Variants in RELL1 observed in about 807,000 individuals in gnomAD.
The protein encoded by RELL1 is RELT-like protein 1.
RELL1 carries 10 observed loss-of-function variants against 23.0 expected under a neutral mutation model. The ratio of observed to expected loss-of-function variants is 0.43; its 90% confidence interval spans 0.27 to 0.74. RELL1 has a LOEUF of 0.74. Ranked by LOEUF, RELL1 falls within the 30% of genes least tolerant of loss-of-function variation. RELL1 has a pLI of 0.19. For synonymous variants in RELL1, 146 were observed against 146.8 expected (o/e 0.99, Z 0.04); for missense variants, 315 against 364.4 (o/e 0.86, Z 1.10).
intron 1 of RELL1, among the ~76,000 whole-genome samples, chr4:37,673,397 T>G (rs1721909905): frequency 6.6e-6 from 1 of 151,756 alleles, no homozygotes; most frequent in Non-Finnish European, 1.5e-5. Context: ...TTGCTATGGT[T>G]TTCGGGCTGG....
chr4:37,685,446 A>G (rs1722369556), intron 1 of RELL1, among the ~76,000 whole-genome samples: 1 of 152,232 alleles, frequency 6.6e-6, no homozygotes, highest in South Asian at 2.1e-4. Flanking sequence ...TAGGACTTCC[A>G]TAAAACTTAC....
intron 6 of RELL1, among the ~76,000 whole-genome samples, chr4:37,598,715 C>T (rs1368844685): frequency 2.0e-5 from 3 of 151,846 alleles, no homozygotes; most frequent in African/African-American, 7.3e-5. Flanking sequence ...GATGGAGTCT[C>T]GCTCTGTCAC....
chr4:37,680,063 T>C (rs1407270581), intron 1 of RELL1, among the ~76,000 whole-genome samples: 1 of 152,202 alleles, frequency 6.6e-6, no homozygotes, highest in African/African-American at 2.4e-5. Context: ...ATTTCAGAAT[T>C]ATCCATAAAG....
At chr4:37,670,551 A>G (rs1460111377) in intron 1 of RELL1, among the ~76,000 whole-genome samples, 3 of 151,760 alleles carry the variant, frequency 2.0e-5, no homozygotes, top group Non-Finnish European at 4.4e-5. Flanking sequence ...ACAGCCTGAT[A>G]ATTTTTTTTC....
chr4:37,653,622 A>T (rs1721026809), intron 1 of RELL1, among the ~76,000 whole-genome samples: 1 of 152,080 alleles, frequency 6.6e-6, no homozygotes, highest in Admixed American at 6.5e-5. Context: ...CCAGCTTCAA[A>T]ATTATTTGAT....
At chr4:37,608,827 C>T (rs77453635), downstream of RELL1, among the ~76,000 whole-genome samples, 5,009 of 151,962 alleles carry the variant, frequency 0.033, 255 homozygotes, top group East Asian at 0.27. Flanking sequence ...GACAGGGTTT[C>T]GCCGTGTTGG....
At position 37,611,742 on chromosome 4, in the gene RELL1, A is replaced by T. The variant is rs1224699555; in HGVS notation, c.*1604T>A. ...AAATGTACAGTTATAAAAAAAAAAA[A>T]GAAAAAGAAAAGTTTGCCAGGCCTA... On this transcript the variant is annotated 3_prime_UTR_variant, in exon 7 of 7. Transcript: ENST00000454158. 6.6e-6 allele frequency among the ~76,000 whole-genome samples: 1 copy of T among 151,960 alleles called. No homozygotes were observed. Among genetic ancestry groups the T allele is most frequent in the African/African-American group, 2.4e-5 (1 of 41,380 alleles).
At chr4:37,651,676 C>A (rs2109285992) in intron 1 of RELL1, among the ~76,000 whole-genome samples, 1 of 152,240 alleles carries the variant, frequency 6.6e-6, no homozygotes, top group Admixed American at 6.5e-5. Context: ...ATCCTCGGAC[C>A]AGATGGAGGA....
chr4:37,636,778 C>T (rs1001118184), intron 4 of RELL1, among the ~76,000 whole-genome samples: 3 of 152,094 alleles, frequency 2.0e-5, no homozygotes, highest in Non-Finnish European at 2.9e-5. Context: ...CAGCCTGACA[C>T]CTGGACTGTG....
At chr4:37,604,900 G>A (rs62297171) in intron 6 of RELL1, among the ~76,000 whole-genome samples, 1 of 65,616 alleles carries the variant, frequency 1.5e-5, no homozygotes, top group Non-Finnish European at 2.7e-5. Flanking sequence ...CACACACACA[G>A]ACACACACAC....
chr4:37,609,090 C>T (rs1176150249), downstream of RELL1, among the ~76,000 whole-genome samples: 1 of 152,184 alleles, frequency 6.6e-6, no homozygotes, highest in East Asian at 1.9e-4. Context: ...AAGGAGATGA[C>T]ATCTAGGATT....
At chr4:37,637,720 A>G (rs1235325921) in intron 4 of RELL1, among the ~76,000 whole-genome samples, 1 of 152,254 alleles carries the variant, frequency 6.6e-6, no homozygotes, top group Non-Finnish European at 1.5e-5. Context: ...CCCAGCACAC[A>G]GTAGGCATCC....
downstream of RELL1, among the ~76,000 whole-genome samples, chr4:37,587,884 G>C (rs1412271929): frequency 6.6e-6 from 1 of 152,058 alleles, no homozygotes; most frequent in Non-Finnish European, 1.5e-5. Context: ...CAGGAGAATC[G>C]CTTGAACCTG....
intron 6 of RELL1, among the ~76,000 whole-genome samples, chr4:37,600,139 G>A (rs951749834): frequency 6.6e-6 from 1 of 152,102 alleles, no homozygotes; most frequent in East Asian, 1.9e-4. Context: ...GCGTGGTGGT[G>A]CACACCTGTA....
intron 1 of RELL1, among the ~76,000 whole-genome samples, chr4:37,681,237 T>C (rs965674187): frequency 7.9e-5 from 12 of 152,216 alleles, no homozygotes; most frequent in Non-Finnish European, 1.6e-4. Context: ...GAATAAAAAC[T>C]GTTTAATATA....
chr4:37,647,065 T>C (rs574295504), intron 3 of RELL1, among the ~76,000 whole-genome samples: 11 of 152,320 alleles, frequency 7.2e-5, no homozygotes, highest in African/African-American at 2.4e-4. Flanking sequence ...GAAGAAACTC[T>C]ACCTCATGAA....
intron 1 of RELL1, among the ~76,000 whole-genome samples, chr4:37,658,013 G>A (rs1721188679): frequency 6.6e-6 from 1 of 152,110 alleles, no homozygotes; most frequent in Non-Finnish European, 1.5e-5. Context: ...GGAAGCTTGG[G>A]TAGGAGGATT....
intron 3 of RELL1, among the ~76,000 whole-genome samples, chr4:37,644,266 G>T (rs1720621009): frequency 6.6e-6 from 1 of 151,542 alleles, no homozygotes; most frequent in Non-Finnish European, 1.5e-5. Flanking sequence ...CTCCTCCAAG[G>T]ACCCCAAACA....
rs1430401738 is a variant in RELL1, at chr4:37,647,288, A to G, written c.385+80T>C. ...AGGTGAAGTCAGTAAGAGAGTCTAT[A>G]TAAATCTTGACTCTTCGAAGCAGGT... On this transcript the variant is annotated intron_variant, in intron 3 of 6. Coordinates refer to ENST00000454158, the MANE Select transcript of RELL1 (RefSeq NM_001085400.2). 3 of 937,000 alleles carry G rather than the reference A, an allele frequency of 3.2e-6. No individual in the cohort carries two copies. The African/African-American group carries it at 4.9e-5, about 15-fold the overall frequency. The allele number at this position is 937,000 out of a possible 1,614,324, so 58.0% of individuals were successfully genotyped here. A position where few individuals can be genotyped will look rare whatever the true frequency, so the allele number is the denominator to read the frequency against.
Sources: gnomAD v4.1 joint callset for allele counts (sites outside exome capture counted in the v4.1 genomes callset) on GRCh38, gnomAD v4.1.1 for gene constraint, MANE v1.5 for transcripts, NCBI Gene and HGNC (gene_info 2026-07-23, HGNC 2026-07-21) for gene names.